The following ABHD12 variants were observed in gnomAD, a reference collection of about 807,000 sequenced individuals.
ABHD12 encodes abhydrolase domain containing 12, lysophospholipase, also known as lysophosphatidylserine lipase ABHD12.
Under a neutral mutation model 58.3 loss-of-function variants are expected in ABHD12, and 43 were observed. The ratio of observed to expected loss-of-function variants is 0.74; its 90% confidence interval spans 0.58 to 0.95. The LOEUF is 0.95. Among genes scored for constraint, ABHD12 ranks in the 40% least tolerant of loss-of-function variants. The pLI, the probability that ABHD12 is intolerant of heterozygous loss-of-function variation, is 0.00. For missense variants in ABHD12, 539 were observed against 537.2 expected (o/e 1.00, Z -0.03); for synonymous variants, 219 against 211.2 (o/e 1.04, Z -0.32).
chr20:25,315,052 C>T, intron 5 of ABHD12, 82 bp from the exon 6 acceptor site: 1 of 1,400,120 alleles, frequency 7.1e-7, no homozygotes, highest in Non-Finnish European at 1.0e-6. Flanking sequence ...TAAACTCATC[C>T]AACTTTCTCT....
At chr20:25,316,800 C>T (rs1470206407) in intron 5 of ABHD12, among the ~76,000 whole-genome samples, 2 of 152,182 alleles carry the variant, frequency 1.3e-5, no homozygotes, top group Admixed American at 6.5e-5. Context: ...GGCGTGGTGG[C>T]GGCATGCACC....
chr20:25,300,725 C>G lies in ABHD12; in HGVS notation c.*120G>C, dbSNP rs994804900. The G allele has an allele frequency of 6.3e-7, 1 of 1,575,166 alleles. No homozygotes were observed. Among genetic ancestry groups the G allele is most frequent in the African/African-American group, 1.4e-5 (1 of 73,882 alleles). On this transcript the variant is annotated 3_prime_UTR_variant, in exon 13 of 13. Transcript: ENST00000339157. ...TGGGATCTGAGGTGCTCTCCAGGTG[C>G]GAGCTGGGCTCCTGAGCATTGCAGG...
At chr20:25,374,465 T>C (rs1054945148) in intron 1 of ABHD12, among the ~76,000 whole-genome samples, 6 of 152,188 alleles carry the variant, frequency 3.9e-5, no homozygotes, top group African/African-American at 1.4e-4. Flanking sequence ...ACTTAACTTC[T>C]AGAACATATG....
chr20:25,365,068 T>C (rs1003842358), intron 1 of ABHD12, among the ~76,000 whole-genome samples: 1 of 152,244 alleles, frequency 6.6e-6, no homozygotes, highest in African/African-American at 2.4e-5. Context: ...TAAGGCCTCA[T>C]GTGGCTGGCT....
chr20:25,330,384 G>C (rs2089251824), intron 2 of ABHD12, among the ~76,000 whole-genome samples: 1 of 152,230 alleles, frequency 6.6e-6, no homozygotes, highest in Admixed American at 6.5e-5. Context: ...GCGAGGCTTG[G>C]GGAGGGGCGC....
chr20:25,325,116 G>C (rs2089150383), intron 2 of ABHD12, among the ~76,000 whole-genome samples: 1 of 147,954 alleles, frequency 6.8e-6, no homozygotes, highest in Admixed American at 6.9e-5. Context: ...TGAGGAGGGA[G>C]AATCACTTGA....
At chr20:25,317,235 G>C (rs1041842925) in intron 4 of ABHD12, among the ~76,000 whole-genome samples, 157 bp from the exon 5 acceptor site, 2 of 152,210 alleles carry the variant, frequency 1.3e-5, no homozygotes, top group African/African-American at 4.8e-5. Context: ...GCCTCTGGCA[G>C]TGCTGTGCCA....
rs550243549 is a variant in ABHD12, at chr20:25,315,224, A to AG, written c.574-255dup. 5.1e-4 allele frequency among the ~76,000 whole-genome samples: 77 copies of AG among 152,072 alleles called. No individual in the cohort carries two copies. The South Asian group carries it at 8.7e-3, about 17-fold the overall frequency. ...TCTCCCTTCCTCCTGCTTAGACGCT[A>AG]GGGGGCCAGGAGCAGTGTCCGGCCG... is the stretch of plus-strand genomic sequence containing the variant. On this transcript the variant is annotated intron_variant, in intron 5 of 12. Coordinates refer to ENST00000339157, the MANE Select transcript of ABHD12 (RefSeq NM_001042472.3).
chr20:25,359,198 G>T (rs1446134425), intron 1 of ABHD12, among the ~76,000 whole-genome samples: 1 of 151,456 alleles, frequency 6.6e-6, no homozygotes, highest in Non-Finnish European at 1.5e-5. Flanking sequence ...GAGGCGGGTG[G>T]ATCACGAGGT....
chr20:25,352,900 G>C (rs903034207), intron 1 of ABHD12, among the ~76,000 whole-genome samples: 1 of 151,946 alleles, frequency 6.6e-6, no homozygotes, highest in Admixed American at 6.6e-5. Flanking sequence ...AAAAATTAAC[G>C]AGATGTGGTG....
chr20:25,349,380 C>T (rs1303003791), intron 1 of ABHD12, among the ~76,000 whole-genome samples: 1 of 152,184 alleles, frequency 6.6e-6, no homozygotes, highest in Non-Finnish European at 1.5e-5. Context: ...AGCAATTCCA[C>T]TCCTCGATAT....
intron 1 of ABHD12, among the ~76,000 whole-genome samples, chr20:25,377,403 A>G (rs911244856): frequency 6.6e-6 from 1 of 152,202 alleles, no homozygotes; most frequent in Non-Finnish European, 1.5e-5. Flanking sequence ...AGTAATTTAT[A>G]AAGAAGGAAA....
chr20:25,308,121 G>GC, intron 8 of ABHD12, 76 bp from the exon 9 acceptor site: 1 of 1,077,546 alleles, frequency 9.3e-7, no homozygotes. Context: ...GCTCTGAGGG[G>GC]CCCCCAGAAA....
At chr20:25,346,539 G>A (rs1239607482) in intron 1 of ABHD12, among the ~76,000 whole-genome samples, 1 of 152,188 alleles carries the variant, frequency 6.6e-6, no homozygotes, top group Admixed American at 6.5e-5. Context: ...GCAGGATGTG[G>A]ATAGTGTGGC....
rs760354542 is a variant in ABHD12 at position 25,390,647 on chromosome 20, G to T, written c.57C>A (p.Gly19=). The change falls in exon 1 of 13, where the codon GGC becomes GGA. Residue 19 remains glycine, a synonymous_variant. Coordinates refer to ENST00000339157, the MANE Select transcript of ABHD12 (RefSeq NM_001042472.3). The part of the protein sequence containing the change: ...ALEHERCAAA[G]SSSSGSAAAA... Reference sequence around the variant, plus strand: ...CGGCGGCCGAGCCGGAGGAGGACGAGCCCGCGGCGGCGCAGCGCTCATGCT... The same window carrying T: ...CGGCGGCCGAGCCGGAGGAGGACGATCCCGCGGCGGCGCAGCGCTCATGCT... 23 of 1,444,874 alleles carry T rather than the reference G, an allele frequency of 1.6e-5. 1 individual carries two copies. In the South Asian group the frequency reaches 3.0e-4, roughly 19 times the overall value. 89.5% of individuals were successfully genotyped at this position (1,444,874 alleles called of 1,614,324 possible). A position where few individuals can be genotyped will look rare whatever the true frequency, so the allele number is the denominator to read the frequency against.
intron 12 of ABHD12, 64 bp downstream of exon 12, chr20:25,302,155 T>A: frequency 6.2e-7 from 1 of 1,609,648 alleles, no homozygotes; most frequent in Non-Finnish European, 8.5e-7. Context: ...TGCCACCTGC[T>A]GCACGTTAGG....
intron 1 of ABHD12, among the ~76,000 whole-genome samples, chr20:25,352,445 C>T (rs1394923825): frequency 6.6e-6 from 1 of 151,716 alleles, no homozygotes; most frequent in Non-Finnish European, 1.5e-5. Context: ...CGTGCCACCA[C>T]ACCTGGCTAA....
Position 25,300,611 on chromosome 20 carries a change from C to T in ABHD12, c.*234G>A. On this transcript the variant is annotated 3_prime_UTR_variant, in exon 13 of 13. Transcript: ENST00000339157. ...AACAAGATCTCAGGTTGAGGGGCGG[C>T]AAGGAGAGCCACATGCCTGCCACCC... The T allele has an allele frequency of 6.9e-7, 1 of 1,443,270 alleles. No individual in the cohort carries two copies. Among genetic ancestry groups the T allele is most frequent in the African/African-American group, 1.4e-5 (1 of 70,126 alleles). 89.4% of individuals were successfully genotyped at this position (1,443,270 alleles called of 1,614,324 possible).
intron 1 of ABHD12, among the ~76,000 whole-genome samples, chr20:25,367,198 A>C (rs566879286): frequency 6.6e-6 from 1 of 152,164 alleles, no homozygotes; most frequent in Admixed American, 6.5e-5. Context: ...CTAATTTTAC[A>C]TCTCTTTAAT....
Sources: gnomAD v4.1 joint callset for allele counts (sites outside exome capture counted in the v4.1 genomes callset) on GRCh38, gnomAD v4.1.1 for gene constraint, MANE v1.5 for transcripts, NCBI Gene and HGNC (gene_info 2026-07-23, HGNC 2026-07-21) for gene names.